Variants in CNTN1 observed in about 807,000 individuals in gnomAD.
The protein encoded by CNTN1 is contactin-1.
CNTN1 carries 38 observed loss-of-function variants against 126.4 expected under a neutral mutation model. The observed-to-expected ratio is 0.30, with a 90% CI of 0.23 to 0.39. The LOEUF is 0.39. Ranked by LOEUF, CNTN1 falls within the 10% of genes least tolerant of loss-of-function variation. The pLI, the probability that CNTN1 is intolerant of heterozygous loss-of-function variation, is 1.00. For synonymous variants in CNTN1, 413 were observed against 422.6 expected (o/e 0.98, Z 0.28); for missense variants, 1,009 against 1,248.4 (o/e 0.81, Z 2.89).
At chr12:41,018,090 CAAAAAA>C (rs112670448) in intron 19 of CNTN1, among the ~76,000 whole-genome samples, 2 of 146,818 alleles carry the variant, frequency 1.4e-5, no homozygotes, top group South Asian at 2.1e-4. Flanking sequence ...AAGTCCATCT[CAAAAAA>C]AAAAAATAAT....
At chr12:40,903,919 C>T (rs1165605300) in intron 1 of CNTN1, among the ~76,000 whole-genome samples, 1 of 152,230 alleles carries the variant, frequency 6.6e-6, no homozygotes, top group African/African-American at 2.4e-5. Flanking sequence ...AATATTGATA[C>T]TTAAAATATC....
intron 16 of CNTN1, among the ~76,000 whole-genome samples, chr12:40,992,737 AT>A (rs1326609259): frequency 6.6e-6 from 1 of 152,142 alleles, no homozygotes; most frequent in Non-Finnish European, 1.5e-5. Context: ...AATACATAAA[AT>A]TTTGCTGCTC....
intron 1 of CNTN1, among the ~76,000 whole-genome samples, chr12:40,727,083 T>G (rs933892866): frequency 6.0e-5 from 9 of 149,346 alleles, no homozygotes; most frequent in African/African-American, 2.2e-4. Context: ...AATTAAAAAT[T>G]TCTAATAATA....
intron 17 of CNTN1, among the ~76,000 whole-genome samples, chr12:40,994,006 T>G (rs1369771556): frequency 6.6e-6 from 1 of 152,138 alleles, no homozygotes; most frequent in Admixed American, 6.6e-5. Context: ...AGATTGAATC[T>G]CTCCGAGACA....
At chr12:40,831,853 C>T (rs2136553524) in intron 1 of CNTN1, among the ~76,000 whole-genome samples, 1 of 152,122 alleles carries the variant, frequency 6.6e-6, no homozygotes, top group South Asian at 2.1e-4. Flanking sequence ...AAGTCAAATG[C>T]AGGGGGAAAA....
chr12:40,840,792 A>G (rs1942246871), intron 1 of CNTN1, among the ~76,000 whole-genome samples: 1 of 151,978 alleles, frequency 6.6e-6, no homozygotes, highest in South Asian at 2.1e-4. Context: ...ATAAAGACAG[A>G]GCATACCAAA....
chr12:40,773,631 C>CTGTG (rs1281372472), intron 1 of CNTN1, among the ~76,000 whole-genome samples: 1 of 82,814 alleles, frequency 1.2e-5, no homozygotes, highest in Non-Finnish European at 2.3e-5. Flanking sequence ...TGACCAGAAA[C>CTGTG]TGTATATATA....
At chr12:40,819,396 C>T (rs1174810607) in intron 1 of CNTN1, among the ~76,000 whole-genome samples, 3 of 152,108 alleles carry the variant, frequency 2.0e-5, no homozygotes, top group African/African-American at 7.2e-5. Context: ...TATTGGAAAT[C>T]CTGTAGGAAA....
At chr12:40,953,785 G>A (rs1286001041) in intron 14 of CNTN1, among the ~76,000 whole-genome samples, 1 of 118,422 alleles carries the variant, frequency 8.4e-6, no homozygotes, top group African/African-American at 3.0e-5. Context: ...GACAGTATAA[G>A]AAGAATGACC....
intron 1 of CNTN1, among the ~76,000 whole-genome samples, chr12:40,840,143 AT>A (rs1316859184): frequency 2.0e-5 from 3 of 152,108 alleles, no homozygotes; most frequent in African/African-American, 7.2e-5. Flanking sequence ...AAGTAAAGGA[AT>A]GGAAAAAGAT....
Position 40,837,371 on chromosome 12 carries a change from C to T in CNTN1, c.-76-70986C>T, listed in dbSNP as rs1365411656. ...AGAATCAGCTGGAAGCTGGGAGTGACTTCCCAGCCCAGGGATTAGGTGAGC... is the reference window on the plus strand; with the variant it reads ...AGAATCAGCTGGAAGCTGGGAGTGATTTCCCAGCCCAGGGATTAGGTGAGC... On this transcript the variant is annotated intron_variant, in intron 1 of 23. Transcript: ENST00000551295. 3.9e-5 allele frequency among the ~76,000 whole-genome samples: 6 copies of T among 152,282 alleles called. No individual in the cohort carries two copies. The East Asian group carries it at 1.2e-3, about 29-fold the overall frequency.
At chr12:40,750,715 A>T (rs779551820) in intron 1 of CNTN1, among the ~76,000 whole-genome samples, 36 of 152,078 alleles carry the variant, frequency 2.4e-4, no homozygotes, top group Non-Finnish European at 5.0e-4. Context: ...GAAAAATGCT[A>T]CTAAGGGAAG....
chr12:40,803,484 G>A (rs1940729925), intron 1 of CNTN1, among the ~76,000 whole-genome samples: 1 of 151,884 alleles, frequency 6.6e-6, no homozygotes, highest in South Asian at 2.1e-4. Context: ...TTTTCAAACT[G>A]ATGTTTTATC....
chr12:40,965,624 C>T (rs1214221300), intron 15 of CNTN1, among the ~76,000 whole-genome samples: 1 of 151,928 alleles, frequency 6.6e-6, no homozygotes, highest in Non-Finnish European at 1.5e-5. Flanking sequence ...ATCATTAATT[C>T]TTGGATTATT....
intron 1 of CNTN1, among the ~76,000 whole-genome samples, chr12:40,755,444 C>T (rs1466268852): frequency 2.0e-5 from 3 of 149,824 alleles, no homozygotes; most frequent in Admixed American, 6.7e-5. Context: ...CTGGGCAAGG[C>T]GGGTCACATG....
At chr12:40,889,779 A>T (rs1236114311) in intron 1 of CNTN1, among the ~76,000 whole-genome samples, 1 of 152,188 alleles carries the variant, frequency 6.6e-6, no homozygotes, top group East Asian at 1.9e-4. Context: ...CATGAAGACG[A>T]GCATTATGCT....
intron 3 of CNTN1, among the ~76,000 whole-genome samples, chr12:40,914,583 C>T (rs1401795963): frequency 1.3e-5 from 2 of 152,022 alleles, no homozygotes. Context: ...ATGAATGTGA[C>T]GTGAAGTGTG....
rs555488100 is a variant in CNTN1, at chr12:40,704,358, A to T, written c.-77+11766A>T. Among the ~76,000 whole-genome samples, 8 of 152,330 alleles carry T rather than the reference A, an allele frequency of 5.3e-5. No homozygotes were observed. In the South Asian group the frequency reaches 1.7e-3, roughly 32 times the overall value. On this transcript the variant is annotated intron_variant, in intron 1 of 23. Coordinates refer to ENST00000551295, the MANE Select transcript of CNTN1 (RefSeq NM_001843.4). The stretch of plus-strand genomic sequence containing the variant: ...TTGGCAGGCCTATACTCTCCAAATT[A>T]TCTTTTAATAAGATCTAGTAGTAAT...
At chr12:41,034,325 T>A (rs1478193538) in intron 23 of CNTN1, among the ~76,000 whole-genome samples, 2 of 152,212 alleles carry the variant, frequency 1.3e-5, no homozygotes, top group Non-Finnish European at 2.9e-5. Flanking sequence ...ACTTAAACAC[T>A]GTGATGGAAA....
Sources: gnomAD v4.1 joint callset for allele counts (sites outside exome capture counted in the v4.1 genomes callset) on GRCh38, gnomAD v4.1.1 for gene constraint, MANE v1.5 for transcripts, NCBI Gene and HGNC (gene_info 2026-07-23, HGNC 2026-07-21) for gene names.